The following SRPK2 variants were observed in gnomAD, a reference collection of about 807,000 sequenced individuals.
SRPK2 encodes the protein SRSF protein kinase 2, also known as SFRS protein kinase 2.
Under a neutral mutation model 90.8 loss-of-function variants are expected in SRPK2, and 21 were observed. The ratio of observed to expected loss-of-function variants is 0.23; its 90% CI spans 0.16 to 0.33. The LOEUF is 0.33. Ranked by LOEUF, SRPK2 falls within the 10% of genes least tolerant of loss-of-function variation. SRPK2 has a pLI of 1.00. For missense variants in SRPK2, 620 were observed against 869.0 expected (o/e 0.71, Z 3.60); for synonymous variants, 288 against 311.1 (o/e 0.93, Z 0.78).
At chr7:105,387,968 AGCCCGCGACCCCGGC>A (rs1369559670) in intron 2 of SRPK2, among the ~76,000 whole-genome samples, 1 of 152,090 alleles carries the variant, frequency 6.6e-6, no homozygotes, top group Non-Finnish European at 1.5e-5. Context: ...CGCCCTGCGC[AGCCCGCGACCCCGGC>A]GCCCGCAGCG....
chr7:105,174,815 T>C (rs1364964076), intron 3 of SRPK2, among the ~76,000 whole-genome samples: 1 of 152,098 alleles, frequency 6.6e-6, no homozygotes, highest in Non-Finnish European at 1.5e-5. Context: ...CCAAGATATA[T>C]AATGTACTAG....
chr7:105,215,764 A>G (rs970950116), intron 2 of SRPK2, among the ~76,000 whole-genome samples: 1 of 152,252 alleles, frequency 6.6e-6, no homozygotes, highest in Non-Finnish European at 1.5e-5. Context: ...TTCAATTTGT[A>G]TAAAATGATT....
At chr7:105,135,468 A>G (rs1292930909) in intron 11 of SRPK2, among the ~76,000 whole-genome samples, 2 of 152,226 alleles carry the variant, frequency 1.3e-5, no homozygotes, top group African/African-American at 2.4e-5. Context: ...GAGGCCCAAG[A>G]GCAAGTTCCG....
chr7:105,256,096 A>G (rs1463629802), intron 2 of SRPK2, among the ~76,000 whole-genome samples: 1 of 152,194 alleles, frequency 6.6e-6, no homozygotes, highest in African/African-American at 2.4e-5. Context: ...AAAAATCCAG[A>G]GACACACCTG....
In SRPK2 at chr7:105,117,597, CAT is replaced by C. The variant is rs1229505765; in HGVS notation, c.*239_*240del. 9.5e-6 allele frequency: 5 copies of C among 525,378 alleles called. No homozygotes were observed. The Admixed American group carries it at 1.9e-4, about 20-fold the overall frequency. 32.5% of individuals were successfully genotyped at this position (525,378 alleles called of 1,614,324 possible). ...CAACACAAGAAACAATGCTTAGAGA[CAT>C]GTTATTGTTTCCAGAAGAAAATGGT... is the stretch of plus-strand genomic sequence containing the variant. On this transcript the variant is annotated 3_prime_UTR_variant, in exon 16 of 16. Coordinates refer to ENST00000393651, the MANE Select transcript of SRPK2 (RefSeq NM_182692.3).
At chr7:105,256,069 C>T (rs746584210) in intron 2 of SRPK2, among the ~76,000 whole-genome samples, 1 of 152,136 alleles carries the variant, frequency 6.6e-6, no homozygotes, top group East Asian at 1.9e-4. Context: ...CAGTGTTTGG[C>T]ATGCCTCAAA....
chr7:105,222,115 A>C (rs566589082), intron 2 of SRPK2, among the ~76,000 whole-genome samples: 2 of 152,326 alleles, frequency 1.3e-5, no homozygotes, highest in African/African-American at 4.8e-5. Context: ...AAACATCTTT[A>C]ATCATGCATC....
intron 2 of SRPK2, among the ~76,000 whole-genome samples, chr7:105,365,085 T>C (rs757515861): frequency 2.0e-5 from 3 of 152,176 alleles, no homozygotes; most frequent in Non-Finnish European, 2.9e-5. Flanking sequence ...CATCCCTTCC[T>C]GCCTTAAATC....
intron 2 of SRPK2, among the ~76,000 whole-genome samples, chr7:105,223,958 A>T (rs1471732861): frequency 6.6e-6 from 1 of 152,208 alleles, no homozygotes; most frequent in African/African-American, 2.4e-5. Flanking sequence ...CAGGCTATGC[A>T]TATCTTCAAA....
rs549048699 is a variant in SRPK2 at position 105,297,391 on chromosome 7, G to A, written c.71+91257C>T. 9 of 885,568 alleles carry A rather than the reference G, an allele frequency of 1.0e-5. No homozygotes were observed. The African/African-American group carries it at 1.1e-4, about 11-fold the overall frequency. 54.9% of individuals were successfully genotyped at this position (885,568 alleles called of 1,614,324 possible). Reference sequence around the variant, plus strand: ...AACACAGGTAGAATACAGCTATCACGTTTTCACTATAAATTGTACTTAATG... The same window carrying A: ...AACACAGGTAGAATACAGCTATCACATTTTCACTATAAATTGTACTTAATG... On this transcript the variant is annotated intron_variant, in intron 2 of 15. Coordinates refer to ENST00000393651, the MANE Select transcript of SRPK2 (RefSeq NM_182692.3).
In SRPK2 at chr7:105,364,405, G is replaced by GTTTTTTTTTTTT. The variant is rs71152964; in HGVS notation, c.71+24231_71+24242dup. 6.3e-3 allele frequency among the ~76,000 whole-genome samples: 847 copies of GTTTTTTTTTTTT among 133,574 alleles called. 56 individuals are homozygous for GTTTTTTTTTTTT. The East Asian group carries it at 0.067, about 11-fold the overall frequency. 87.6% of individuals were successfully genotyped at this position (133,574 alleles called of 152,430 possible). On this transcript the variant is annotated intron_variant, in intron 2 of 15. Coordinates refer to ENST00000393651, the MANE Select transcript of SRPK2 (RefSeq NM_182692.3). Reference sequence around the variant, plus strand: ...CTTTCCATAGCATACCGTGTGTAACGTTTTTTTTTTTTTGAGAAGGAGTCT... The same window carrying GTTTTTTTTTTTT: ...CTTTCCATAGCATACCGTGTGTAACGTTTTTTTTTTTTTTTTTTTTTTTTTGAGAAGGAGTCT...
At chr7:105,271,930 G>A (rs903056145) in intron 2 of SRPK2, among the ~76,000 whole-genome samples, 3 of 152,026 alleles carry the variant, frequency 2.0e-5, no homozygotes, top group African/African-American at 7.2e-5. Flanking sequence ...AACAAACTTA[G>A]AAACACCTTC....
At chr7:105,156,248 C>T (rs1806467721) in intron 7 of SRPK2, among the ~76,000 whole-genome samples, 1 of 152,184 alleles carries the variant, frequency 6.6e-6, no homozygotes. Context: ...TCCTGCTTCA[C>T]CACTTAGCAC....
chr7:105,200,704 GACA>G (rs1795441009), intron 3 of SRPK2, among the ~76,000 whole-genome samples: 1 of 152,082 alleles, frequency 6.6e-6, no homozygotes, highest in South Asian at 2.1e-4. Flanking sequence ...AATGCAAAAA[GACA>G]ACATCACTAC....
intron 11 of SRPK2, among the ~76,000 whole-genome samples, chr7:105,134,574 G>T (rs914738430): frequency 1.1e-4 from 16 of 152,188 alleles, no homozygotes; most frequent in South Asian, 2.1e-4. Flanking sequence ...CTTGAAGCTG[G>T]GCACTGCTGA....
chr7:105,382,136 C>G (rs1164603673), intron 2 of SRPK2, among the ~76,000 whole-genome samples: 3 of 149,954 alleles, frequency 2.0e-5, no homozygotes, highest in African/African-American at 7.4e-5. Flanking sequence ...CCAGTGCACT[C>G]CAGCCTGGGC....
At chr7:105,390,601 G>GTTTT (rs1822139561), upstream of SRPK2, among the ~76,000 whole-genome samples, 2 of 102,168 alleles carry the variant, frequency 2.0e-5, no homozygotes, top group African/African-American at 4.5e-5. Flanking sequence ...GTTAATTTTT[G>GTTTT]TTTTTGTTTT....
At chr7:105,249,711 C>A (rs1376239299) in intron 2 of SRPK2, among the ~76,000 whole-genome samples, 1 of 152,180 alleles carries the variant, frequency 6.6e-6, no homozygotes. Flanking sequence ...CATGCTTTTT[C>A]ATTCCATTCA....
chr7:105,307,155 T>C (rs1261331702), intron 2 of SRPK2, among the ~76,000 whole-genome samples: 2 of 152,138 alleles, frequency 1.3e-5, no homozygotes, highest in Non-Finnish European at 2.9e-5. Context: ...TTCCCAATAC[T>C]GGGTGGGAGG....
Sources: gnomAD v4.1 joint callset for allele counts (sites outside exome capture counted in the v4.1 genomes callset) on GRCh38, gnomAD v4.1.1 for gene constraint, MANE v1.5 for transcripts, NCBI Gene and HGNC (gene_info 2026-07-23, HGNC 2026-07-21) for gene names.